Variants in DYM observed in about 807,000 individuals in gnomAD.
DYM encodes the protein dymeclin.
A neutral mutation model predicts 93.1 loss-of-function variants in DYM; 78 were observed. The observed-to-expected ratio is 0.84, with a 90% CI of 0.70 to 1.01. The LOEUF is 1.01. DYM is among the 50% of genes least tolerant of loss of function. The pLI, the probability that DYM is intolerant of heterozygous loss-of-function variation, is 0.00. For missense variants in DYM, 789 were observed against 845.0 expected, an observed-to-expected ratio of 0.93 and a Z score of 0.82; for synonymous variants, 321 against 319.7, an observed-to-expected ratio of 1.00 and a Z score of -0.04.
intron 1 of DYM, among the ~76,000 whole-genome samples, chr18:49,440,911 T>A (rs1765916468): frequency 1.1e-4 from 4 of 35,590 alleles, no homozygotes; most frequent in Non-Finnish European, 1.4e-4. Flanking sequence ...ATAAATATAT[T>A]ATATTTTATA....
chr18:49,389,602 T>C (rs981468657), intron 3 of DYM, among the ~76,000 whole-genome samples: 1 of 152,098 alleles, frequency 6.6e-6, no homozygotes, highest in Non-Finnish European at 1.5e-5. Flanking sequence ...GCTCGATCAA[T>C]CCTCCTACCT....
At chr18:49,193,079 G>T (rs1488805786) in intron 14 of DYM, among the ~76,000 whole-genome samples, 1 of 151,844 alleles carries the variant, frequency 6.6e-6, no homozygotes, top group African/African-American at 2.4e-5. Flanking sequence ...GTTAAATATC[G>T]AGGTGATGGA....
intron 10 of DYM, among the ~76,000 whole-genome samples, chr18:49,275,928 C>A (rs566287062): frequency 2.6e-5 from 4 of 152,108 alleles, no homozygotes; most frequent in Admixed American, 6.6e-5. Context: ...CAGTATCCTG[C>A]AACTTTGCTG....
intron 16 of DYM, among the ~76,000 whole-genome samples, chr18:49,117,123 C>T (rs927983837): frequency 6.6e-6 from 1 of 152,168 alleles, no homozygotes; most frequent in Non-Finnish European, 1.5e-5. Flanking sequence ...TCTGCTTTAT[C>T]TTGATTGCAC....
chr18:49,107,452 G>C (rs1368287033), intron 16 of DYM, among the ~76,000 whole-genome samples: 1 of 152,216 alleles, frequency 6.6e-6, no homozygotes, highest in Non-Finnish European at 1.5e-5. Context: ...CTGGTGAGGA[G>C]CTGCGTTCCT....
intron 17 of DYM, among the ~76,000 whole-genome samples, chr18:49,084,953 C>T (rs2078374351): frequency 6.6e-6 from 1 of 152,140 alleles, no homozygotes; most frequent in African/African-American, 2.4e-5. Flanking sequence ...GACTTCTGGG[C>T]TGTTGGCAAT....
chr18:49,149,517 A>AT (rs2085566210), intron 15 of DYM, among the ~76,000 whole-genome samples: 1 of 151,642 alleles, frequency 6.6e-6, no homozygotes, highest in African/African-American at 2.4e-5. Flanking sequence ...CATTTTATTA[A>AT]TTTTTTCATT....
chr18:49,097,264 C>T lies in DYM; in HGVS notation c.2025+138G>A, dbSNP rs183531830. 483 of 763,498 alleles carry T rather than the reference C, an allele frequency of 6.3e-4. 1 individual carries two copies. In the African/African-American group the frequency reaches 7.7e-3, roughly 12 times the overall value. The allele number at this position is 763,498 out of a possible 1,614,324, so 47.3% of individuals were successfully genotyped here. A position where few individuals can be genotyped will look rare whatever the true frequency, so the allele number is the denominator to read the frequency against. Reference sequence around the variant, plus strand: ...CTTCTTTTGAAAAGCTGTCAGAAACCTTTGTCACAGTTCTGAGGAGCCCTT... The same window carrying T: ...CTTCTTTTGAAAAGCTGTCAGAAACTTTTGTCACAGTTCTGAGGAGCCCTT... On this transcript the variant is annotated intron_variant, in intron 17 of 17. Transcript: ENST00000675505.
chr18:49,086,241 T>C (rs2078514156), intron 17 of DYM, among the ~76,000 whole-genome samples: 1 of 152,190 alleles, frequency 6.6e-6, no homozygotes, highest in Non-Finnish European at 1.5e-5. Context: ...CTGCATCTGG[T>C]GAGGGTGTTC....
At chr18:49,106,753 G>T (rs1368437640) in intron 16 of DYM, among the ~76,000 whole-genome samples, 1 of 152,142 alleles carries the variant, frequency 6.6e-6, no homozygotes, top group Non-Finnish European at 1.5e-5. Flanking sequence ...TTCTGGCTTG[G>T]AGAGTTTCTG....
At position 49,158,907 on chromosome 18, in the gene DYM, T is replaced by C. The variant is rs374046703; in HGVS notation, c.1728+4778A>G. Among the ~76,000 whole-genome samples the C allele has an allele frequency of 1.8e-4, 27 of 152,230 alleles. No individual in the cohort carries two copies. In the South Asian group the frequency reaches 5.4e-3, roughly 30 times the overall value. On this transcript the variant is annotated intron_variant, in intron 15 of 17. Transcript: ENST00000675505. ...TTTTGAAATAACTAAAAGAGCATAATTGGATTGTTTGTAACACAAAGAAAG... is the reference window on the plus strand; with the variant it reads ...TTTTGAAATAACTAAAAGAGCATAACTGGATTGTTTGTAACACAAAGAAAG...
intron 17 of DYM, among the ~76,000 whole-genome samples, chr18:49,089,096 C>T (rs985241156): frequency 6.6e-6 from 1 of 152,210 alleles, no homozygotes; most frequent in Non-Finnish European, 1.5e-5. Flanking sequence ...CTGCACCTGG[C>T]TCCAAAGAAC....
At chr18:49,408,823 A>G (rs2071835962) in intron 2 of DYM, among the ~76,000 whole-genome samples, 1 of 152,240 alleles carries the variant, frequency 6.6e-6, no homozygotes, top group Non-Finnish European at 1.5e-5. Context: ...GTTGTATTAA[A>G]TAACAAGAGG....
chr18:49,262,865 T>C (rs1364926596), intron 11 of DYM, among the ~76,000 whole-genome samples: 2 of 152,202 alleles, frequency 1.3e-5, no homozygotes. Flanking sequence ...CATTCCTCTA[T>C]TAATGGAAAT....
chr18:49,435,039 C>A (rs1424383770), intron 1 of DYM, among the ~76,000 whole-genome samples: 2 of 151,706 alleles, frequency 1.3e-5, no homozygotes, highest in East Asian at 3.9e-4. Flanking sequence ...AAAACCTCAT[C>A]TCTACTAAAA....
chr18:49,197,701 C>A (rs1439298411), intron 14 of DYM, among the ~76,000 whole-genome samples: 1 of 152,112 alleles, frequency 6.6e-6, no homozygotes, highest in African/African-American at 2.4e-5. Context: ...TCAAGGAGAA[C>A]TACAAACCAC....
At chr18:49,239,265 T>G (rs929469169) in intron 13 of DYM, among the ~76,000 whole-genome samples, 4 of 152,234 alleles carry the variant, frequency 2.6e-5, no homozygotes, top group Non-Finnish European at 5.9e-5. Flanking sequence ...GAATAGCATT[T>G]GAATGGATTC....
intron 2 of DYM, among the ~76,000 whole-genome samples, chr18:49,406,015 G>T (rs1252466355): frequency 6.6e-6 from 1 of 151,984 alleles, no homozygotes; most frequent in Non-Finnish European, 1.5e-5. Flanking sequence ...TTCTTGATTT[G>T]GTTGTCAGCT....
intron 16 of DYM, among the ~76,000 whole-genome samples, chr18:49,104,537 C>T (rs955724347): frequency 2.7e-4 from 41 of 152,112 alleles, no homozygotes; most frequent in South Asian, 6.2e-4. Context: ...CAGTATGATA[C>T]TGGCTGTGGG....
Sources: gnomAD v4.1 joint callset for allele counts (sites outside exome capture counted in the v4.1 genomes callset) on GRCh38, gnomAD v4.1.1 for gene constraint, MANE v1.5 for transcripts, NCBI Gene and HGNC (gene_info 2026-07-23, HGNC 2026-07-21) for gene names.